The following SCN10A variants were observed in gnomAD, a reference collection of about 807,000 sequenced individuals.
SCN10A encodes sodium channel protein type 10 subunit alpha.
Under a neutral mutation model 170.7 loss-of-function variants are expected in SCN10A, and 162 were observed. The ratio of observed to expected loss-of-function variants is 0.95; its 90% CI spans 0.84 to 1.08. SCN10A has a LOEUF of 1.08. Ranked by LOEUF, SCN10A falls within the 50% of genes least tolerant of loss-of-function variation. The probability of loss-of-function intolerance (pLI) is 0.00; values close to 1 mark genes in which losing one functional copy is unlikely to be tolerated. For missense variants in SCN10A, 2,527 were observed against 2,436.9 expected, an observed-to-expected ratio of 1.04 and a Z score of -0.78; for synonymous variants, 985 against 904.6, an observed-to-expected ratio of 1.09 and a Z score of -1.59.
intron 15 of SCN10A, among the ~76,000 whole-genome samples, chr3:38,730,752 C>A (rs1170114900): frequency 6.6e-6 from 1 of 151,976 alleles, no homozygotes; most frequent in Non-Finnish European, 1.5e-5. Flanking sequence ...AGGTTTGCAT[C>A]AGATTTGACA....
intron 4 of SCN10A, among the ~76,000 whole-genome samples, chr3:38,776,387 G>A (rs2064075314): frequency 6.6e-6 from 1 of 151,980 alleles, no homozygotes; most frequent in African/African-American, 2.4e-5. Context: ...TCGAAGTGAT[G>A]ACTCTTTTTT....
At chr3:38,782,919 G>A (rs2064156183) in intron 4 of SCN10A, among the ~76,000 whole-genome samples, 1 of 152,076 alleles carries the variant, frequency 6.6e-6, no homozygotes, top group Non-Finnish European at 1.5e-5. Context: ...AGACTGGGTG[G>A]CTTATGCAAC....
intron 13 of SCN10A, among the ~76,000 whole-genome samples, chr3:38,746,100 T>G (rs12636123): frequency 0.27 from 27,371 of 99,696 alleles, 6,797 homozygotes; most frequent in African/African-American, 0.55. Flanking sequence ...TATATATATA[T>G]GCCATCTTTG....
intron 6 of SCN10A, among the ~76,000 whole-genome samples, chr3:38,762,490 G>C (rs1170420038): frequency 6.6e-6 from 1 of 152,096 alleles, no homozygotes; most frequent in Non-Finnish European, 1.5e-5. Flanking sequence ...CAGAAGAAGG[G>C]GCAGCACAGT....
At chr3:38,727,147 G>A (rs73825883) in intron 16 of SCN10A, 95 bp from the exon 17 acceptor site, 54 of 1,170,140 alleles carry the variant, frequency 4.6e-5, no homozygotes, top group Admixed American at 1.0e-4. Context: ...AGACAGCCAC[G>A]GCCTGGGCCT....
chr3:38,786,083 A>G (rs2064197769), intron 4 of SCN10A, among the ~76,000 whole-genome samples: 1 of 152,148 alleles, frequency 6.6e-6, no homozygotes, highest in Non-Finnish European at 1.5e-5. Flanking sequence ...TTCCTCAAGG[A>G]TCTAGAACCA....
At chr3:38,725,543 G>A (rs1336065665) in intron 17 of SCN10A, among the ~76,000 whole-genome samples, 1 of 152,224 alleles carries the variant, frequency 6.6e-6, no homozygotes, top group Non-Finnish European at 1.5e-5. Context: ...GTGACCTTAG[G>A]CAAGTTGTTT....
chr3:38,785,732 A>G (rs1455663814), intron 4 of SCN10A, among the ~76,000 whole-genome samples: 4 of 152,194 alleles, frequency 2.6e-5, no homozygotes, highest in African/African-American at 9.7e-5. Context: ...CAATCTATCA[A>G]TCTGACAAAG....
chr3:38,746,277 T>C (rs2063689955), intron 13 of SCN10A, among the ~76,000 whole-genome samples: 1 of 151,556 alleles, frequency 6.6e-6, no homozygotes, highest in African/African-American at 2.4e-5. Flanking sequence ...GCTCCCTTTA[T>C]GAGTTATTGT....
chr3:38,754,414 A>C (rs1189194953), intron 11 of SCN10A, among the ~76,000 whole-genome samples: 1 of 152,236 alleles, frequency 6.6e-6, no homozygotes, highest in Non-Finnish European at 1.5e-5. Context: ...CCAAGCACCT[A>C]GTATTGTTGA....
At chr3:38,806,599 G>A (rs1256990700) in intron 1 of SCN10A, among the ~76,000 whole-genome samples, 1 of 152,136 alleles carries the variant, frequency 6.6e-6, no homozygotes, top group African/African-American at 2.4e-5. Flanking sequence ...GTAAACTGGA[G>A]ATGATTACCT....
At chr3:38,703,748 C>G (rs2063181487) in intron 26 of SCN10A, among the ~76,000 whole-genome samples, 1 of 152,216 alleles carries the variant, frequency 6.6e-6, no homozygotes, top group South Asian at 2.1e-4. Context: ...ATCCTTTGCT[C>G]TTCACCCCAT....
At chr3:38,780,224 CTG>C (rs1388764398) in intron 4 of SCN10A, among the ~76,000 whole-genome samples, 1 of 151,830 alleles carries the variant, frequency 6.6e-6, no homozygotes, top group East Asian at 1.9e-4. Flanking sequence ...ATTAATATGT[CTG>C]TGCAATTTTT....
rs80255330 is a variant in SCN10A, at chr3:38,786,841, T to C, written c.470+2115A>G. 5.9e-3 allele frequency among the ~76,000 whole-genome samples: 898 copies of C among 152,266 alleles called. 24 individuals are homozygous for C. Among genetic ancestry groups the C allele is most frequent in the East Asian group, 0.043 (225 of 5,182 alleles). On this transcript the variant is annotated intron_variant, in intron 4 of 27. Coordinates refer to ENST00000449082, the MANE Select transcript of SCN10A (RefSeq NM_006514.4). ...CATTAGATGTTTACATATGTGTTGG[T>C]CTGTTTATGGACTGTCTATGCTGTT...
chr3:38,761,129 T>C lies in SCN10A; in HGVS notation c.883+63A>G, dbSNP rs570058097. Reference sequence around the variant, plus strand: ...ACACACACAGGGGCTCCATATCCCCTGTCCCTATATGATACCAAGGGTCCA... The same window carrying C: ...ACACACACAGGGGCTCCATATCCCCCGTCCCTATATGATACCAAGGGTCCA... On this transcript the variant is annotated intron_variant, in intron 7 of 27. Transcript: ENST00000449082. 1.5e-4 allele frequency: 203 copies of C among 1,347,146 alleles called. No homozygotes were observed. The African/African-American group carries it at 2.7e-3, about 18-fold the overall frequency. 83.4% of individuals were successfully genotyped at this position (1,347,146 alleles called of 1,614,324 possible).
chr3:38,779,496 A>G (rs1159671173), intron 4 of SCN10A, among the ~76,000 whole-genome samples: 2 of 152,038 alleles, frequency 1.3e-5, no homozygotes, highest in Non-Finnish European at 2.9e-5. Flanking sequence ...ATTTGGATTT[A>G]TTAGATCTAC....
chr3:38,719,425 G>A (rs1435404547), intron 20 of SCN10A, among the ~76,000 whole-genome samples: 15 of 115,066 alleles, frequency 1.3e-4, no homozygotes, highest in South Asian at 3.1e-4. Context: ...ACGGAGTCTC[G>A]CTCTGTCGCC....
intron 4 of SCN10A, among the ~76,000 whole-genome samples, chr3:38,787,350 T>C (rs1194367605): frequency 6.6e-6 from 1 of 152,194 alleles, no homozygotes; most frequent in African/African-American, 2.4e-5. Flanking sequence ...AATTGATTTA[T>C]GTATGTTAAT....
chr3:38,709,821 G>A (rs904455320), intron 24 of SCN10A, among the ~76,000 whole-genome samples: 1 of 152,190 alleles, frequency 6.6e-6, no homozygotes, highest in Non-Finnish European at 1.5e-5. Context: ...GCATCATTGT[G>A]GGCAACTGAA....
Sources: gnomAD v4.1 joint callset for allele counts (sites outside exome capture counted in the v4.1 genomes callset) on GRCh38, gnomAD v4.1.1 for gene constraint, MANE v1.5 for transcripts, NCBI Gene and HGNC (gene_info 2026-07-23, HGNC 2026-07-21) for gene names.